CNTNAP3B: variants seen among roughly 807,000 people sequenced by gnomAD.
The protein encoded by CNTNAP3B is contactin associated protein family member 3B.
A neutral mutation model predicts 108.9 loss-of-function variants in CNTNAP3B; 25 were observed. The observed-to-expected ratio is 0.23, with a 90% CI of 0.17 to 0.32. The LOEUF (loss-of-function observed/expected upper bound fraction) is 0.32, where lower values mean the gene tolerates loss of function less well. CNTNAP3B is among the 10% of genes least tolerant of loss of function. The pLI is 1.00. For synonymous variants in CNTNAP3B, 103 were observed against 473.4 expected, an observed-to-expected ratio of 0.22 and a Z score of 10.16; for missense variants, 252 against 1,210.4, an observed-to-expected ratio of 0.21 and a Z score of 11.75.
chr9:41,944,653 A>T (rs1369893675), intron 13 of CNTNAP3B, among the ~76,000 whole-genome samples: 1 of 151,686 alleles, frequency 6.6e-6, no homozygotes, highest in African/African-American at 2.4e-5. Flanking sequence ...GCAACAAATA[A>T]AAAAGAGTTA....
At chr9:42,030,808 AGAGAG>A (rs1564177939) in intron 3 of CNTNAP3B, among the ~76,000 whole-genome samples, 3 of 85,292 alleles carry the variant, frequency 3.5e-5, no homozygotes, top group African/African-American at 5.1e-5. Context: ...AGAGAGAGAG[AGAGAG>A]GAGAGAGAGA....
chr9:41,921,113 G>A (rs557556682), intron 17 of CNTNAP3B, among the ~76,000 whole-genome samples: 1 of 152,428 alleles, frequency 6.6e-6, no homozygotes, highest in East Asian at 1.9e-4. Flanking sequence ...CCTAAGGTGG[G>A]GGCCCCAAAT....
rs1828471576 is a variant in CNTNAP3B at position 42,121,903 on chromosome 9, C to G, written c.85+7107G>C. 1.4e-5 allele frequency among the ~76,000 whole-genome samples: 2 copies of G among 140,172 alleles called. 1 individual carries two copies. 92.0% of individuals were successfully genotyped at this position (140,172 alleles called of 152,430 possible). A position where few individuals can be genotyped will look rare whatever the true frequency, so the allele number is the denominator to read the frequency against. Reference sequence around the variant, plus strand: ...TGTTTCATGGTTGCGGCAGAAGACTCCTGGGTCAAAGCAAAGGACTGTATT... The same window carrying G: ...TGTTTCATGGTTGCGGCAGAAGACTGCTGGGTCAAAGCAAAGGACTGTATT... On this transcript the variant is annotated intron_variant, in intron 1 of 23. Coordinates refer to ENST00000377561, the MANE Select transcript of CNTNAP3B (RefSeq NM_001201380.3).
At chr9:42,059,579 AATTT>A (rs1827135067) in intron 3 of CNTNAP3B, among the ~76,000 whole-genome samples, 1 of 16,374 alleles carries the variant, frequency 6.1e-5, no homozygotes, top group Non-Finnish European at 1.3e-4. Flanking sequence ...AACTTTATTG[AATTT>A]ATTTATTAGT....
chr9:41,924,846 T>C (rs894222688), intron 15 of CNTNAP3B, among the ~76,000 whole-genome samples: 1 of 152,276 alleles, frequency 6.6e-6, no homozygotes, highest in Non-Finnish European at 1.5e-5. Flanking sequence ...TCTTTTCTTA[T>C]CTTTTGTGTA....
At chr9:42,035,337 A>G (rs1412297694) in intron 3 of CNTNAP3B, among the ~76,000 whole-genome samples, 1 of 146,464 alleles carries the variant, frequency 6.8e-6, no homozygotes, top group African/African-American at 2.6e-5. Context: ...CAATTTTCAG[A>G]TCAGATGCCA....
intron 9 of CNTNAP3B, chr9:41,979,883 A>C (rs1448171028): frequency 8.0e-6 from 1 of 125,446 alleles, no homozygotes; most frequent in Non-Finnish European, 1.6e-5. Flanking sequence ...GCCACCACCT[A>C]AGATATATAT....
At chr9:41,955,624 G>T (rs1453931315) in intron 12 of CNTNAP3B, among the ~76,000 whole-genome samples, 2 of 152,248 alleles carry the variant, frequency 1.3e-5, no homozygotes, top group Non-Finnish European at 2.9e-5. Flanking sequence ...TCGACCTCCT[G>T]GGCTCAAGTG....
intron 15 of CNTNAP3B, among the ~76,000 whole-genome samples, chr9:41,926,013 A>ATC (rs371984503): frequency 6.9e-4 from 104 of 151,556 alleles, no homozygotes; most frequent in South Asian, 1.7e-3. Context: ...GTGTATTTGT[A>ATC]TCTCTCTCTC....
At chr9:42,096,585 AT>A (rs1827905078) in intron 2 of CNTNAP3B, among the ~76,000 whole-genome samples, 1 of 130,792 alleles carries the variant, frequency 7.6e-6, no homozygotes, top group Non-Finnish European at 1.6e-5. Context: ...AAGCAGGGTC[AT>A]TTATGTTAAT....
intron 3 of CNTNAP3B, among the ~76,000 whole-genome samples, chr9:42,042,189 AC>A (rs1158703679): frequency 2.4e-5 from 3 of 123,868 alleles, no homozygotes; most frequent in Non-Finnish European, 5.1e-5. Context: ...TATGTAACAA[AC>A]CTGCTACGTT....
At position 42,108,350 on chromosome 9, in the gene CNTNAP3B, T is replaced by C. The variant is rs1044478362; in HGVS notation, c.86-3611A>G. 3.6e-5 allele frequency among the ~76,000 whole-genome samples: 5 copies of C among 137,170 alleles called. 1 individual carries two copies. The highest frequency in any genetic ancestry group is 1.5e-4 in the Admixed American group (2 of 13,704). The allele number at this position is 137,170 out of a possible 152,430, so 90.0% of individuals were successfully genotyped here. On this transcript the variant is annotated intron_variant, in intron 1 of 23. Transcript: ENST00000377561. ...TACATAGGTATATTTTATATTATTG[T>C]TCTCCTAGAAGATCATGGTTGAAAA...
intron 9 of CNTNAP3B, chr9:41,983,241 G>A (rs1166005928): frequency 7.5e-6 from 1 of 132,844 alleles, no homozygotes; most frequent in Non-Finnish European, 1.6e-5. Flanking sequence ...TGTAGGAAAT[G>A]GGAATTATAT....
Position 42,042,331 on chromosome 9 carries a change from C to T in CNTNAP3B, c.391-28806G>A, listed in dbSNP as rs1459541398. Among the ~76,000 whole-genome samples, 7 of 126,306 alleles carry T rather than the reference C, an allele frequency of 5.5e-5. 1 individual carries two copies. The highest frequency in any genetic ancestry group is 9.6e-5 in the African/African-American group (3 of 31,160). The allele number at this position is 126,306 out of a possible 152,430, so 82.9% of individuals were successfully genotyped here. A position where few individuals can be genotyped will look rare whatever the true frequency, so the allele number is the denominator to read the frequency against. On this transcript the variant is annotated intron_variant, in intron 3 of 23. Coordinates refer to ENST00000377561, the MANE Select transcript of CNTNAP3B (RefSeq NM_001201380.3). ...TAGATATTAGAGAGTTGTCAATTTT[C>T]GCTCTTATAAACAATGCTGCAACCC...
chr9:41,918,951 T>A (rs1395305042), intron 18 of CNTNAP3B, among the ~76,000 whole-genome samples: 1 of 151,276 alleles, frequency 6.6e-6, no homozygotes, highest in Non-Finnish European at 1.5e-5. Flanking sequence ...TCACACAATT[T>A]ATAGTGATTA....
At chr9:41,990,609 CT>C (rs1259101385) in intron 8 of CNTNAP3B, among the ~76,000 whole-genome samples, 2 of 132,828 alleles carry the variant, frequency 1.5e-5, no homozygotes, top group South Asian at 2.5e-4. Flanking sequence ...TGATATCCCC[CT>C]GGTCTCAAGC....
chr9:42,056,266 C>A (rs1827065739), intron 3 of CNTNAP3B, among the ~76,000 whole-genome samples: 1 of 137,092 alleles, frequency 7.3e-6, no homozygotes, highest in African/African-American at 2.8e-5. Context: ...TAGTACCTCA[C>A]TGCTGTTTTA....
In CNTNAP3B at chr9:42,046,067, G is replaced by A. The variant is rs573628566; in HGVS notation, c.390+30802C>T. Among the ~76,000 whole-genome samples the A allele has an allele frequency of 6.4e-4, 81 of 125,614 alleles. 7 individuals are homozygous for A. The highest frequency in any genetic ancestry group is 2.1e-3 in the African/African-American group (65 of 30,942). The allele number at this position is 125,614 out of a possible 152,430, so 82.4% of individuals were successfully genotyped here. A position where few individuals can be genotyped will look rare whatever the true frequency, so the allele number is the denominator to read the frequency against. Reference sequence around the variant, plus strand: ...CATTTCCCACAGAGCTGTTGTCCCCGTCTTCCTCCCCACAGTCAGTGCTGT... The same window carrying A: ...CATTTCCCACAGAGCTGTTGTCCCCATCTTCCTCCCCACAGTCAGTGCTGT... On this transcript the variant is annotated intron_variant, in intron 3 of 23. Transcript: ENST00000377561.
At chr9:41,945,416 C>A (rs1286692892) in intron 13 of CNTNAP3B, among the ~76,000 whole-genome samples, 3 of 152,308 alleles carry the variant, frequency 2.0e-5, no homozygotes, top group Non-Finnish European at 2.9e-5. Context: ...CACATATATA[C>A]CATGGAATAC....
Sources: allele counts gnomAD v4.1 joint callset (sites outside exome capture counted in the v4.1 genomes callset), GRCh38; gene constraint gnomAD v4.1.1; transcripts MANE v1.5; gene names NCBI Gene and HGNC (gene_info 2026-07-23, HGNC 2026-07-21).